RAPGEF2: variants seen among roughly 807,000 people sequenced by gnomAD.
The protein encoded by RAPGEF2 is PDZ domain containing guanine nucleotide exchange factor (GEF) 1.
Under a neutral mutation model 186.7 loss-of-function variants are expected in RAPGEF2, and 54 were observed. The observed-to-expected ratio is 0.29, with a 90% CI of 0.23 to 0.36. The LOEUF is 0.36. RAPGEF2 is among the 10% of genes least tolerant of loss of function. RAPGEF2 has a pLI of 1.00. For missense variants in RAPGEF2, 1,532 were observed against 2,045.0 expected (o/e 0.75, Z 4.84); for synonymous variants, 712 against 705.9 (o/e 1.01, Z -0.14).
chr4:159,159,108 G>A (rs1479766600), intron 1 of RAPGEF2, among the ~76,000 whole-genome samples: 1 of 152,164 alleles, frequency 6.6e-6, no homozygotes, highest in Non-Finnish European at 1.5e-5. Context: ...TTAGGATTTC[G>A]ACTGGGTCTG....
chr4:159,149,075 G>T (rs1340488346), intron 1 of RAPGEF2, among the ~76,000 whole-genome samples: 1 of 152,126 alleles, frequency 6.6e-6, no homozygotes, highest in African/African-American at 2.4e-5. Flanking sequence ...CAATTGACTT[G>T]ACTAAGCCAC....
intron 1 of RAPGEF2, among the ~76,000 whole-genome samples, chr4:159,116,008 A>T (rs906794786): frequency 6.6e-6 from 1 of 152,222 alleles, no homozygotes; most frequent in Non-Finnish European, 1.5e-5. Flanking sequence ...AGGCAATACC[A>T]TTCAGGACAT....
intron 7 of RAPGEF2, among the ~76,000 whole-genome samples, chr4:159,245,497 T>G (rs1754526343): frequency 6.6e-6 from 1 of 152,042 alleles, no homozygotes; most frequent in Admixed American, 6.6e-5. Context: ...AGAACTATCT[T>G]GGGACTTTGG....
At chr4:159,201,412 T>C (rs1375508425) in intron 3 of RAPGEF2, among the ~76,000 whole-genome samples, 3 of 152,250 alleles carry the variant, frequency 2.0e-5, no homozygotes, top group Non-Finnish European at 4.4e-5. Flanking sequence ...GTAGCTATTA[T>C]GGTTGAAAGA....
intron 3 of RAPGEF2, among the ~76,000 whole-genome samples, chr4:159,206,068 T>C (rs561266831): frequency 6.6e-6 from 1 of 152,226 alleles, no homozygotes; most frequent in Admixed American, 6.5e-5. Flanking sequence ...TAGCTGGGAC[T>C]ACTGGCACCG....
rs1307562297 is a variant in RAPGEF2 at position 159,350,187 on chromosome 4, G to A, written c.3763G>A (p.Gly1255Arg). ...LKKILSLSEE[G>R]SLERHKKQAE... Reference sequence around the variant, plus strand: ...AAAAATTCTTTCTTTGTCTGAAGAAGGAAGTTTGGAACGTCACAAGAAACA... The same window carrying A: ...AAAAATTCTTTCTTTGTCTGAAGAAAGAAGTTTGGAACGTCACAAGAAACA... Residue 1255 changes from glycine (G) to arginine (R), a missense_variant, in exon 26 of 30, where the codon GGA (glycine) becomes AGA (arginine). By Grantham distance (125) the Gly-to-Arg change is moderately radical. Around this residue, in one of 4 missense-constraint regions of RAPGEF2, gnomAD observed 594 missense variants for 608.5 expected, o/e 0.98. Transcript: ENST00000691494. 5 of 1,585,908 alleles carry A rather than the reference G, an allele frequency of 3.2e-6. No individual in the cohort carries two copies. Among genetic ancestry groups the A allele is most frequent in the Non-Finnish European group, 3.4e-6 (4 of 1,165,640 alleles).
intron 11 of RAPGEF2, 54 bp downstream of exon 11, chr4:159,323,671 T>A: frequency 9.2e-7 from 1 of 1,090,780 alleles, no homozygotes; most frequent in Non-Finnish European, 1.2e-6. Flanking sequence ...AGAACACTTA[T>A]ATGCCATTGT....
Position 159,341,950 on chromosome 4 carries a change from AAG to A in RAPGEF2, c.2918+8_2918+9del, listed in dbSNP as rs1266076587. ...AACTCAATGTTTGCAATCATCAGGT[AAG>A]AGAGCACATTTTTTCTTAAGATTCA... On this transcript the variant is annotated splice_donor_5th_base_variant and intron_variant, in intron 20 of 29. Coordinates refer to ENST00000691494, the MANE Select transcript of RAPGEF2 (RefSeq NM_001394067.2). 1.9e-6 allele frequency: 3 copies of A among 1,568,434 alleles called. No homozygotes were observed. Among genetic ancestry groups the A allele is most frequent in the East Asian group, 2.2e-5 (1 of 44,600 alleles).
At chr4:159,187,542 A>G (rs151062956) in intron 2 of RAPGEF2, among the ~76,000 whole-genome samples, 11 of 152,330 alleles carry the variant, frequency 7.2e-5, no homozygotes, top group East Asian at 5.8e-4. Context: ...TCTTTGTTTG[A>G]ATATTTTATT....
chr4:159,161,504 G>C (rs10001339), intron 1 of RAPGEF2, among the ~76,000 whole-genome samples: 1,583 of 152,064 alleles, frequency 0.01, 31 homozygotes, highest in African/African-American at 0.036. Flanking sequence ...AGGAGTTTGA[G>C]ACTAGCCTGA....
intron 17 of RAPGEF2, 130 bp from the exon 18 acceptor site, chr4:159,338,181 T>G: frequency 1.4e-6 from 1 of 729,950 alleles, no homozygotes; most frequent in Non-Finnish European, 2.1e-6. Context: ...TCAACCAAAT[T>G]TATTAATGGT....
intron 1 of RAPGEF2, among the ~76,000 whole-genome samples, chr4:159,169,021 CTG>C (rs1745621527): frequency 6.6e-6 from 1 of 152,186 alleles, no homozygotes; most frequent in Non-Finnish European, 1.5e-5. Context: ...TTCTAGCAAA[CTG>C]AGTTTCTTTG....
chr4:159,211,749 C>T (rs761804160), intron 4 of RAPGEF2, among the ~76,000 whole-genome samples: 1 of 152,106 alleles, frequency 6.6e-6, no homozygotes, highest in Non-Finnish European at 1.5e-5. Context: ...ATCTTGGGTG[C>T]GATTCTCATG....
chr4:159,232,527 T>C (rs150394093), intron 4 of RAPGEF2, among the ~76,000 whole-genome samples: 4 of 152,332 alleles, frequency 2.6e-5, no homozygotes, highest in African/African-American at 7.2e-5. Context: ...TATCCATTCT[T>C]CCGTTGTTGG....
At chr4:159,263,920 T>TA (rs1757153477) in intron 7 of RAPGEF2, among the ~76,000 whole-genome samples, 1 of 152,196 alleles carries the variant, frequency 6.6e-6, no homozygotes, top group Non-Finnish European at 1.5e-5. Context: ...GGAGTGTTGT[T>TA]ACTGATAATT....
At chr4:159,182,631 A>C (rs1477283545) in intron 1 of RAPGEF2, among the ~76,000 whole-genome samples, 1 of 151,714 alleles carries the variant, frequency 6.6e-6, no homozygotes, top group Non-Finnish European at 1.5e-5. Context: ...CCTAACCTCA[A>C]ATGGTCTGTC....
rs554526533 is a variant in RAPGEF2 at position 159,305,646 on chromosome 4, T to G, written c.675+1173T>G. Among the ~76,000 whole-genome samples, 3 of 152,264 alleles carry G rather than the reference T, an allele frequency of 2.0e-5. No homozygotes were observed. The South Asian group carries it at 6.2e-4, about 32-fold the overall frequency. On this transcript the variant is annotated intron_variant, in intron 8 of 29. Coordinates refer to ENST00000691494, the MANE Select transcript of RAPGEF2 (RefSeq NM_001394067.2). ...CCGATTATGTGTTCACTCTGTTGAT[T>G]ATTTCTTCTACTGTGCAGAAGGTTT...
intron 9 of RAPGEF2, among the ~76,000 whole-genome samples, chr4:159,320,569 A>T (rs546436335): frequency 6.6e-6 from 1 of 152,146 alleles, no homozygotes; most frequent in Non-Finnish European, 1.5e-5. Context: ...GGGTACACCT[A>T]TCATTATCAT....
At chr4:159,315,629 AG>A (rs2111115576) in intron 9 of RAPGEF2, among the ~76,000 whole-genome samples, 1 of 152,292 alleles carries the variant, frequency 6.6e-6, no homozygotes, top group South Asian at 2.1e-4. Context: ...GGGCAGGATA[AG>A]GAGTGTGAGT....
Sources: gnomAD v4.1 joint callset for allele counts (sites outside exome capture counted in the v4.1 genomes callset) on GRCh38, gnomAD v4.1.1 for gene constraint, gnomAD v4.1.1 regional missense constraint, MANE v1.5 for transcripts, NCBI Gene and HGNC (gene_info 2026-07-23, HGNC 2026-07-21) for gene names.